TANGO2: variants seen among roughly 807,000 people sequenced by gnomAD.
TANGO2 encodes transport and Golgi organization protein 2 homolog.
TANGO2 carries 26 observed loss-of-function variants against 39.1 expected under a neutral mutation model. The observed-to-expected ratio is 0.67, with a 90% confidence interval of 0.49 to 0.92. The LOEUF is 0.92. Ranked by LOEUF, TANGO2 falls within the 40% of genes least tolerant of loss-of-function variation. TANGO2 has a pLI of 0.00. For missense variants in TANGO2, 326 were observed against 360.1 expected, an observed-to-expected ratio of 0.91 and a Z score of 0.77; for synonymous variants, 131 against 144.5, an observed-to-expected ratio of 0.91 and a Z score of 0.67.
chr22:20,059,773 A>G (rs961797069), intron 6 of TANGO2, among the ~76,000 whole-genome samples: 2 of 152,120 alleles, frequency 1.3e-5, no homozygotes, highest in African/African-American at 2.4e-5. Flanking sequence ...TATTTAAAGC[A>G]CAAAGCTTAA....
intron 1 of TANGO2, among the ~76,000 whole-genome samples, chr22:20,030,179 T>G (rs2146885467): frequency 6.6e-6 from 1 of 151,650 alleles, no homozygotes; most frequent in Admixed American, 6.6e-5. Context: ...TAATTTTTAT[T>G]TTTTTGAGAT....
At chr22:20,059,578 A>G (rs1307574408) in intron 6 of TANGO2, among the ~76,000 whole-genome samples, 1 of 152,160 alleles carries the variant, frequency 6.6e-6, no homozygotes, top group African/African-American at 2.4e-5. Flanking sequence ...TAGCCACGAT[A>G]GTGGGTGTGA....
At chr22:20,053,640 G>A (rs761304532) in intron 5 of TANGO2, 89 bp downstream of exon 5, 2 of 852,650 alleles carry the variant, frequency 2.3e-6, no homozygotes, top group Admixed American at 1.9e-5. Flanking sequence ...TTCCACTGGG[G>A]GCTGTGGCAG....
chr22:20,053,426 C>G lies in TANGO2; in HGVS notation c.266-11C>G, dbSNP rs1267157852. ...GCAGCTGTGGACACAGCATCTGTCC[C>G]CTGCCTACAGGTGAACTTGTCACCC... On this transcript the variant is annotated splice_polypyrimidine_tract_variant and intron_variant, in intron 4 of 8. Transcript: ENST00000327374. 5 of 1,585,700 alleles carry G rather than the reference C, an allele frequency of 3.2e-6. No individual in the cohort carries two copies. Among genetic ancestry groups the G allele is most frequent in the Non-Finnish European group, 4.3e-6 (5 of 1,154,350 alleles).
At chr22:20,024,782 T>A (rs1398644324) in intron 1 of TANGO2, among the ~76,000 whole-genome samples, 8 of 152,206 alleles carry the variant, frequency 5.3e-5, no homozygotes, top group African/African-American at 1.9e-4. Flanking sequence ...GCCCATGTGC[T>A]ATGCTTGCCT....
intron 4 of TANGO2, 137 bp downstream of exon 4, chr22:20,052,721 G>A: frequency 8.8e-7 from 1 of 1,139,332 alleles, no homozygotes; most frequent in Non-Finnish European, 1.2e-6. Flanking sequence ...AAGTGCCAAG[G>A]TGCTTGTGCT....
At chr22:20,022,143 C>T (rs1051947213) in intron 1 of TANGO2, among the ~76,000 whole-genome samples, 1 of 152,224 alleles carries the variant, frequency 6.6e-6, no homozygotes, top group Non-Finnish European at 1.5e-5. Flanking sequence ...CTCTGGGCAG[C>T]CTTTTGGGGC....
intron 3 of TANGO2, among the ~76,000 whole-genome samples, chr22:20,050,578 G>T (rs2046138804): frequency 6.6e-6 from 1 of 150,932 alleles, no homozygotes; most frequent in South Asian, 2.1e-4. Flanking sequence ...TGGCCAGGCT[G>T]GTCTCGAACT....
At chr22:20,049,488 C>T (rs572093116) in intron 3 of TANGO2, among the ~76,000 whole-genome samples, 48 of 152,082 alleles carry the variant, frequency 3.2e-4, no homozygotes, top group Admixed American at 1.4e-3. Flanking sequence ...TGGAGAAACC[C>T]CGTCTCTACT....
chr22:20,061,895 C>A, intron 7 of TANGO2: 1 of 571,940 alleles, frequency 1.7e-6, no homozygotes, highest in Non-Finnish European at 3.0e-6. Flanking sequence ...GAAGATGGGC[C>A]CAGGCCCAGG....
chr22:20,044,912 A>G (rs1020343092), intron 3 of TANGO2, among the ~76,000 whole-genome samples: 3 of 152,306 alleles, frequency 2.0e-5, no homozygotes, highest in African/African-American at 4.8e-5. Context: ...AACTAGTGCC[A>G]ACCCCAGCAG....
At chr22:20,057,000 C>T (rs1569325387) in intron 6 of TANGO2, 2 of 453,582 alleles carry the variant, frequency 4.4e-6, no homozygotes, top group Non-Finnish European at 8.9e-6. Flanking sequence ...CCCTCACACC[C>T]CTGGCTCCTC....
chr22:20,033,018 A>G (rs1259090524), intron 1 of TANGO2: 3 of 375,536 alleles, frequency 8.0e-6, no homozygotes, highest in Non-Finnish European at 1.5e-5. Flanking sequence ...CTTAGGGAGC[A>G]CACAGGGGCC....
intron 1 of TANGO2, chr22:20,033,313 G>C (rs2042223059): frequency 2.2e-6 from 1 of 446,028 alleles, no homozygotes; most frequent in African/African-American, 2.1e-5. Flanking sequence ...GCCTTCCCTT[G>C]GACCATGGAG....
intron 3 of TANGO2, among the ~76,000 whole-genome samples, chr22:20,049,974 C>T (rs972426416): frequency 3.9e-5 from 6 of 152,036 alleles, no homozygotes; most frequent in South Asian, 4.1e-4. Context: ...TTTGGAAGGC[C>T]GAGGCGGGCC....
intron 1 of TANGO2, among the ~76,000 whole-genome samples, chr22:20,028,393 A>G (rs2041198341): frequency 6.6e-6 from 1 of 152,238 alleles, no homozygotes; most frequent in East Asian, 1.9e-4. Context: ...GGGATGACAG[A>G]CATGAGCCCT....
chr22:20,061,484 A>G, intron 6 of TANGO2, 46 bp from the exon 7 acceptor site: 1 of 1,549,834 alleles, frequency 6.5e-7, no homozygotes, highest in Non-Finnish European at 8.7e-7. Flanking sequence ...TTGCCCTGAC[A>G]TGGCACAGCA....
intron 2 of TANGO2, 137 bp from the exon 3 acceptor site, chr22:20,043,218 C>T (rs2044317621): frequency 1.5e-6 from 1 of 653,136 alleles, no homozygotes; most frequent in Non-Finnish European, 2.7e-6. Flanking sequence ...AGTGTGGGTG[C>T]AGCAGGACTG....
At chr22:20,050,365 T>TTTG (rs1465502766) in intron 3 of TANGO2, among the ~76,000 whole-genome samples, 1 of 142,454 alleles carries the variant, frequency 7.0e-6, no homozygotes, top group Non-Finnish European at 1.5e-5. Flanking sequence ...GTGGTTTTTT[T>TTTG]TTTTTTTTTT....
Sources: gnomAD v4.1 joint callset for allele counts (sites outside exome capture counted in the v4.1 genomes callset) on GRCh38, gnomAD v4.1.1 for gene constraint, MANE v1.5 for transcripts, NCBI Gene and HGNC (gene_info 2026-07-23, HGNC 2026-07-21) for gene names.